TMEM164: variants seen among roughly 807,000 people sequenced by gnomAD.
TMEM164 encodes RP13-360B22.2.
TMEM164 carries 4 observed loss-of-function variants against 18.8 expected under a neutral mutation model. That is an observed-to-expected ratio of 0.21 (90% confidence interval 0.10 to 0.49). The LOEUF (loss-of-function observed/expected upper bound fraction) is 0.49, where lower values mean the gene tolerates loss of function less well. Ranked by LOEUF, TMEM164 falls within the 20% of genes least tolerant of loss-of-function variation. The pLI is 0.98. For synonymous variants in TMEM164, 86 were observed against 101.7 expected (o/e 0.85, Z 0.93); for missense variants, 108 against 239.9 (o/e 0.45, Z 3.63).
intron 3 of TMEM164, among the ~76,000 whole-genome samples, chrX:110,068,325 G>T (rs942992503): frequency 8.9e-6 from 1 of 112,466 alleles, no homozygotes; most frequent in Non-Finnish European, 1.9e-5. Context: ...CTGCGTGAGG[G>T]ATAATGGATC....
chrX:110,178,815 G>C (rs1602759688), downstream of TMEM164, among the ~76,000 whole-genome samples: 1 of 112,428 alleles, frequency 8.9e-6, no homozygotes, highest in Non-Finnish European at 1.9e-5. Context: ...GTCCTTGTAC[G>C]GTAGGGAGAA....
Position 110,173,386 on chromosome X carries a change from A to G in TMEM164, c.829A>G (p.Met277Val). 3.3e-6 allele frequency: 4 copies of G among 1,211,345 alleles called. No homozygotes were observed. The highest frequency in any genetic ancestry group is 3.5e-5 in the South Asian group (2 of 56,935). Reference sequence around the variant, plus strand: ...GAAGCTGGTCATCCTGTTCTCATACATGGCTGGGCCCTTGTGTAAATATCT... The same window carrying G: ...GAAGCTGGTCATCCTGTTCTCATACGTGGCTGGGCCCTTGTGTAAATATCT... ...HGKLVILFSY[M>V]AGPLCKYLLD... is the part of the protein sequence containing the mutation. The change falls in exon 7 of 7, where the codon ATG becomes GTG. Residue 277 changes from methionine to valine, a missense_variant. Met to Val is a conservative substitution (Grantham distance 21). Transcript: ENST00000372068.
intron 4 of TMEM164, among the ~76,000 whole-genome samples, chrX:110,112,939 T>C (rs750065035): frequency 9.0e-6 from 1 of 111,359 alleles, no homozygotes; most frequent in Admixed American, 9.6e-5. Flanking sequence ...CTCCAACATA[T>C]GAATTTTGGG....
intron 3 of TMEM164, among the ~76,000 whole-genome samples, chrX:110,090,797 G>C (rs1479196912): frequency 3.6e-5 from 4 of 110,784 alleles, no homozygotes; most frequent in African/African-American, 1.3e-4. Context: ...CCATGTTGGT[G>C]TGCTGCACCC....
intron 4 of TMEM164, among the ~76,000 whole-genome samples, chrX:110,134,559 CAAAAAAAAAA>C (rs34533045): frequency 6.7e-5 from 2 of 29,759 alleles, no homozygotes; most frequent in South Asian, 4.2e-3. Context: ...GACTCTGTCT[CAAAAAAAAAA>C]AAAAAAAAAA....
chrX:110,105,709 CACACACACACAG>C (rs1383318225), intron 3 of TMEM164, among the ~76,000 whole-genome samples: 21 of 98,494 alleles, frequency 2.1e-4, no homozygotes, highest in African/African-American at 2.8e-4. Context: ...CACACACACA[CACACACACACAG>C]ACACACACAC....
chrX:110,015,548 TGAG>T (rs1167145912), intron 2 of TMEM164, among the ~76,000 whole-genome samples: 1 of 101,841 alleles, frequency 9.8e-6, no homozygotes, highest in Admixed American at 1.0e-4. Flanking sequence ...TCCAGGAACT[TGAG>T]TGTGTGTGTG....
At chrX:110,005,776 C>T (rs1034328502) in intron 2 of TMEM164, among the ~76,000 whole-genome samples, 8 of 111,514 alleles carry the variant, frequency 7.2e-5, no homozygotes, top group African/African-American at 9.8e-5. Flanking sequence ...TAGGAAACAA[C>T]GCATCTCAGC....
chrX:110,023,544 T>C (rs1934021947), intron 2 of TMEM164, among the ~76,000 whole-genome samples: 1 of 111,564 alleles, frequency 9.0e-6, no homozygotes, highest in African/African-American at 3.3e-5. Flanking sequence ...GAGGTATTCT[T>C]CCTTCCAGAC....
chrX:110,092,843 G>A (rs1187730480), intron 3 of TMEM164, among the ~76,000 whole-genome samples: 1 of 111,861 alleles, frequency 8.9e-6, no homozygotes, highest in Non-Finnish European at 1.9e-5. Flanking sequence ...ATTGGCTGTG[G>A]ATTTCTCATA....
At chrX:110,058,233 CCTCTAAGGTT>C (rs1377644276) in intron 2 of TMEM164, among the ~76,000 whole-genome samples, 1 of 110,224 alleles carries the variant, frequency 9.1e-6, no homozygotes, top group Non-Finnish European at 1.9e-5. Context: ...TATTTTTGAC[CCTCTAAGGTT>C]CTTTATTCCT....
chrX:110,037,026 G>T (rs1934837588), intron 2 of TMEM164, among the ~76,000 whole-genome samples: 1 of 111,088 alleles, frequency 9.0e-6, no homozygotes, highest in Non-Finnish European at 1.9e-5. Flanking sequence ...GCCAAAAGAA[G>T]CTGGGTATGT....
chrX:110,101,743 C>T (rs767882768), intron 3 of TMEM164, among the ~76,000 whole-genome samples: 7 of 108,888 alleles, frequency 6.4e-5, no homozygotes, highest in Non-Finnish European at 1.1e-4. Context: ...CTACATCCAG[C>T]TAATTTTTTA....
rs185339789 is a variant in TMEM164 at position 110,136,259 on chromosome X, C to A, written c.508-8539C>A. Among the ~76,000 whole-genome samples, 786 of 111,226 alleles carry A rather than the reference C, an allele frequency of 7.1e-3. 7 individuals carry two copies. The highest frequency in any genetic ancestry group is 0.023 in the African/African-American group (691 of 30,571). On this transcript the variant is annotated intron_variant, in intron 4 of 6. Transcript: ENST00000372068. Reference sequence around the variant, plus strand: ...ATTCATCGTGGTTTTTTTAACTAGTCCCCTATTGATGGTCATTTAGGTCGT... The same window carrying A: ...ATTCATCGTGGTTTTTTTAACTAGTACCCTATTGATGGTCATTTAGGTCGT...
At chrX:110,179,354 C>T (rs2067314433), downstream of TMEM164, among the ~76,000 whole-genome samples, 1 of 111,823 alleles carries the variant, frequency 8.9e-6, no homozygotes, top group Non-Finnish European at 1.9e-5. Context: ...TGCAGATCTG[C>T]ATCACTTCCC....
At chrX:110,152,970 C>T (rs949697396) in intron 5 of TMEM164, among the ~76,000 whole-genome samples, 1 of 111,589 alleles carries the variant, frequency 9.0e-6, no homozygotes, top group African/African-American at 3.3e-5. Context: ...TCTCCAACCT[C>T]ATGTCTTTAC....
At chrX:110,052,108 A>C (rs1275024007) in intron 2 of TMEM164, among the ~76,000 whole-genome samples, 1 of 110,797 alleles carries the variant, frequency 9.0e-6, no homozygotes, top group Non-Finnish European at 1.9e-5. Flanking sequence ...TATCTTAGCC[A>C]TCAGTCCATG....
chrX:110,102,101 G>A (rs2066120312), intron 3 of TMEM164, among the ~76,000 whole-genome samples: 1 of 105,451 alleles, frequency 9.5e-6, no homozygotes, highest in African/African-American at 3.5e-5. Flanking sequence ...CGAGGTGGGT[G>A]GATTGCTTGA....
chrX:110,181,331 C>T (rs1171976829), downstream of TMEM164, among the ~76,000 whole-genome samples: 1 of 111,939 alleles, frequency 8.9e-6, no homozygotes, highest in Non-Finnish European at 1.9e-5. Flanking sequence ...GTTGAAGCCC[C>T]CTTGCTCCAG....
Sources: gnomAD v4.1 joint callset for allele counts (sites outside exome capture counted in the v4.1 genomes callset) on GRCh38, gnomAD v4.1.1 for gene constraint, MANE v1.5 for transcripts, NCBI Gene and HGNC (gene_info 2026-07-23, HGNC 2026-07-21) for gene names.